The following LHCGR variants were observed in gnomAD, a reference collection of about 807,000 sequenced individuals.
The protein encoded by LHCGR is luteinizing hormone/choriogonadotropin receptor.
A neutral mutation model predicts 60.7 loss-of-function variants in LHCGR; 55 were observed. The observed-to-expected ratio is 0.91, with a 90% CI of 0.73 to 1.13. LHCGR has a LOEUF of 1.13. LHCGR is among the 50% of genes most tolerant of loss of function. The pLI is 0.00. For missense variants in LHCGR, 862 were observed against 836.0 expected (o/e 1.03, Z -0.38); for synonymous variants, 337 against 316.5 (o/e 1.06, Z -0.69).
intron 1 of LHCGR, among the ~76,000 whole-genome samples, chr2:48,754,269 T>C (rs1208241202): frequency 6.6e-6 from 1 of 152,210 alleles, no homozygotes; most frequent in Non-Finnish European, 1.5e-5. Flanking sequence ...AAGCCTGGCC[T>C]GGCAGGGAGG....
intron 1 of LHCGR, among the ~76,000 whole-genome samples, chr2:48,748,825 A>G (rs985234383): frequency 1.3e-5 from 2 of 152,188 alleles, no homozygotes; most frequent in Non-Finnish European, 2.9e-5. Flanking sequence ...GACAGCAAAG[A>G]GATTTCATCA....
intron 9 of LHCGR, among the ~76,000 whole-genome samples, chr2:48,696,116 C>G (rs749601724): frequency 7.2e-5 from 11 of 151,902 alleles, no homozygotes; most frequent in Non-Finnish European, 1.6e-4. Context: ...TATTTCTTCT[C>G]TCCTCATATT....
chr2:48,690,200 A>T (rs1680157405), intron 10 of LHCGR, among the ~76,000 whole-genome samples: 1 of 152,150 alleles, frequency 6.6e-6, no homozygotes, highest in African/African-American at 2.4e-5. Flanking sequence ...ATAAAATCCA[A>T]ACTCATTGTG....
intron 2 of LHCGR, among the ~76,000 whole-genome samples, chr2:48,730,040 C>A (rs375833839): frequency 2.6e-5 from 4 of 152,130 alleles, no homozygotes; most frequent in African/African-American, 9.7e-5. Flanking sequence ...TCCCAACATA[C>A]GCTACCATTT....
chr2:48,754,603 G>A (rs956358926), intron 1 of LHCGR, among the ~76,000 whole-genome samples: 5 of 145,480 alleles, frequency 3.4e-5, no homozygotes, highest in African/African-American at 5.1e-5. Flanking sequence ...CCACCCCCCC[G>A]CCCCAAGCCC....
intron 9 of LHCGR, among the ~76,000 whole-genome samples, chr2:48,698,042 G>A (rs1288701549): frequency 6.6e-6 from 1 of 152,066 alleles, no homozygotes; most frequent in African/African-American, 2.4e-5. Flanking sequence ...CCCCCACCCT[G>A]GACTGAACGG....
rs184663957 is a variant in LHCGR, at chr2:48,717,206, T to C, written c.537-3152A>G. 6.6e-5 allele frequency among the ~76,000 whole-genome samples: 10 copies of C among 152,366 alleles called. No individual in the cohort carries two copies. In the East Asian group the frequency reaches 1.3e-3, roughly 21 times the overall value. Reference sequence around the variant, plus strand: ...TTCACCAAAGCTGCTAACAGTTGTCTAGATGCCCATTATTCATCACAGCTG... The same window carrying C: ...TTCACCAAAGCTGCTAACAGTTGTCCAGATGCCCATTATTCATCACAGCTG... On this transcript the variant is annotated intron_variant, in intron 6 of 10. Coordinates refer to ENST00000294954, the MANE Select transcript of LHCGR (RefSeq NM_000233.4).
intron 1 of LHCGR, among the ~76,000 whole-genome samples, chr2:48,736,684 C>CT (rs1346658407): frequency 6.6e-6 from 1 of 152,028 alleles, no homozygotes; most frequent in Non-Finnish European, 1.5e-5. Flanking sequence ...CAGGTGGGCT[C>CT]TAGTGTCCCC....
At chr2:48,700,567 T>C (rs939806944) in intron 8 of LHCGR, among the ~76,000 whole-genome samples, 4 of 152,130 alleles carry the variant, frequency 2.6e-5, no homozygotes, top group African/African-American at 9.7e-5. Flanking sequence ...AGTGGGTTGG[T>C]TGTGTTTTGC....
At chr2:48,742,137 G>A (rs1344824957) in intron 1 of LHCGR, among the ~76,000 whole-genome samples, 1 of 151,842 alleles carries the variant, frequency 6.6e-6, no homozygotes, top group African/African-American at 2.4e-5. Context: ...AACAAGAAGA[G>A]CTAACTATCC....
At chr2:48,751,139 G>A (rs926693627) in intron 1 of LHCGR, among the ~76,000 whole-genome samples, 2 of 152,270 alleles carry the variant, frequency 1.3e-5, no homozygotes, top group Admixed American at 6.5e-5. Context: ...GGGCATCAGG[G>A]AAGGCTTCAT....
At chr2:48,722,381 A>C (rs929317551) in intron 6 of LHCGR, among the ~76,000 whole-genome samples, 2 of 152,170 alleles carry the variant, frequency 1.3e-5, no homozygotes, top group African/African-American at 2.4e-5. Context: ...GCGGTGAGCT[A>C]TTTCTAACTA....
intron 6 of LHCGR, among the ~76,000 whole-genome samples, chr2:48,714,876 A>G (rs1057363741): frequency 2.0e-5 from 3 of 152,184 alleles, no homozygotes; most frequent in Non-Finnish European, 4.4e-5. Flanking sequence ...GCACATTGTC[A>G]TTTTGCAAAG....
intron 1 of LHCGR, among the ~76,000 whole-genome samples, chr2:48,753,445 G>A (rs1394434562): frequency 6.6e-6 from 1 of 152,178 alleles, no homozygotes; most frequent in Non-Finnish European, 1.5e-5. Context: ...CTCAGGAAAT[G>A]AAACCTTGTG....
intron 1 of LHCGR, among the ~76,000 whole-genome samples, chr2:48,743,075 A>G (rs1023119636): frequency 6.6e-5 from 10 of 152,256 alleles, no homozygotes; most frequent in Admixed American, 5.9e-4. Flanking sequence ...CTCTATGCAA[A>G]TAAACTAGAA....
chr2:48,746,037 T>C (rs966186901), intron 1 of LHCGR, among the ~76,000 whole-genome samples: 2 of 152,132 alleles, frequency 1.3e-5, no homozygotes, highest in African/African-American at 4.8e-5. Flanking sequence ...ATTTCACATC[T>C]ATAAAGTGTG....
intron 6 of LHCGR, 82 bp from the exon 7 acceptor site, chr2:48,714,136 A>T: frequency 2.2e-6 from 2 of 927,312 alleles, no homozygotes; most frequent in Non-Finnish European, 3.5e-6. Flanking sequence ...CCTGTAACAT[A>T]TATTACTAAG....
intron 1 of LHCGR, among the ~76,000 whole-genome samples, chr2:48,740,174 C>A (rs1011990104): frequency 2.2e-4 from 34 of 152,374 alleles, no homozygotes; most frequent in Admixed American, 2.2e-3. Context: ...TATCCCGCAC[C>A]TGGCTCGGAG....
intron 2 of LHCGR, among the ~76,000 whole-genome samples, chr2:48,730,315 A>G (rs903986952): frequency 4.6e-5 from 7 of 152,226 alleles, no homozygotes; most frequent in South Asian, 2.1e-4. Flanking sequence ...TCAAAACTCA[A>G]CATTCCAACT....
Sources: gnomAD v4.1 joint callset for allele counts (sites outside exome capture counted in the v4.1 genomes callset) on GRCh38, gnomAD v4.1.1 for gene constraint, MANE v1.5 for transcripts, NCBI Gene and HGNC (gene_info 2026-07-23, HGNC 2026-07-21) for gene names.